Variants in ZSWIM5 observed in about 807,000 individuals in gnomAD.
The protein encoded by ZSWIM5 is zinc finger SWIM-type containing 5.
Under a neutral mutation model 119.6 loss-of-function variants are expected in ZSWIM5, and 55 were observed. The observed-to-expected ratio is 0.46, with a 90% CI of 0.37 to 0.58. The LOEUF (loss-of-function observed/expected upper bound fraction) is 0.58, where lower values mean the gene tolerates loss of function less well. ZSWIM5 is among the 20% of genes least tolerant of loss of function. ZSWIM5 has a pLI of 0.00. For missense variants in ZSWIM5, 1,193 were observed against 1,512.8 expected (o/e 0.79, Z 3.51); for synonymous variants, 537 against 606.9 (o/e 0.88, Z 1.69).
chr1:45,118,737 C>CAAAAAAA (rs60441320), intron 1 of ZSWIM5, among the ~76,000 whole-genome samples: 1 of 95,262 alleles, frequency 1.0e-5, no homozygotes, highest in Non-Finnish European at 2.3e-5. Context: ...GAACCTGTCT[C>CAAAAAAA]AAAAAAAAAA....
At chr1:45,130,365 AACAC>A (rs3051045) in intron 1 of ZSWIM5, among the ~76,000 whole-genome samples, 16,218 of 149,566 alleles carry the variant, frequency 0.11, 882 homozygotes, top group Admixed American at 0.12. Flanking sequence ...GAACACTTAA[AACAC>A]ACACACACAC....
Position 45,034,403 on chromosome 1 carries a change from C to T in ZSWIM5, c.2358G>A (p.Val786=). The T allele has an allele frequency of 1.2e-6, 2 of 1,614,020 alleles. No individual in the cohort carries two copies. The highest frequency in any genetic ancestry group is 2.7e-5 in the African/African-American group (2 of 75,048). The change falls in exon 11 of 14, where the codon GTG becomes GTA. Residue 786 remains valine, a synonymous_variant. Coordinates refer to ENST00000359600, the MANE Select transcript of ZSWIM5 (RefSeq NM_020883.2). ...ACCAGCGAGGATAACGGCTGGGCAC[C>T]ACAGACACCATATGGTGAGGGTGGG... ...DTSHPHHMVS[V]VPSRYPRWFT... is the part of the protein sequence containing the mutation.
intron 1 of ZSWIM5, among the ~76,000 whole-genome samples, chr1:45,108,733 T>C (rs562192402): frequency 1.4e-4 from 21 of 152,168 alleles, no homozygotes; most frequent in African/African-American, 4.8e-4. Flanking sequence ...TGCCTATAAT[T>C]CCAGCTAGCT....
chr1:45,138,156 T>C (rs1570139911), intron 1 of ZSWIM5, among the ~76,000 whole-genome samples: 2 of 152,110 alleles, frequency 1.3e-5, no homozygotes, highest in East Asian at 3.9e-4. Context: ...TACAAGGATT[T>C]TTTTTTCAAC....
intron 1 of ZSWIM5, among the ~76,000 whole-genome samples, chr1:45,107,266 T>C (rs1645486808): frequency 6.6e-6 from 1 of 152,018 alleles, no homozygotes. Flanking sequence ...ACATTTCGTG[T>C]ATAAAAAAGG....
intron 1 of ZSWIM5, among the ~76,000 whole-genome samples, chr1:45,104,899 G>A (rs1053760259): frequency 5.9e-5 from 9 of 152,212 alleles, no homozygotes; most frequent in African/African-American, 2.2e-4. Flanking sequence ...AGAACAATGA[G>A]GCTTCCGAAG....
chr1:45,083,177 T>A (rs2149009659), intron 2 of ZSWIM5, among the ~76,000 whole-genome samples: 1 of 152,312 alleles, frequency 6.6e-6, no homozygotes, highest in Non-Finnish European at 1.5e-5. Flanking sequence ...ATGTAAACAC[T>A]GCAACTTTGA....
In ZSWIM5 at chr1:45,076,491, G is replaced by A. The variant is rs150497094; in HGVS notation, c.952+11390C>T. Among the ~76,000 whole-genome samples, 22 of 152,162 alleles carry A rather than the reference G, an allele frequency of 1.4e-4. No individual in the cohort carries two copies. In the East Asian group the frequency reaches 4.1e-3, roughly 28 times the overall value. On this transcript the variant is annotated intron_variant, in intron 2 of 13. Coordinates refer to ENST00000359600, the MANE Select transcript of ZSWIM5 (RefSeq NM_020883.2). ...GAGAAGTCTGCTGCCAGACTCCATT[G>A]TATGTTACTTTTTCTCTTGCTGCTT...
chr1:45,086,198 G>C (rs142875423), intron 2 of ZSWIM5, among the ~76,000 whole-genome samples: 1 of 152,136 alleles, frequency 6.6e-6, no homozygotes, highest in Non-Finnish European at 1.5e-5. Context: ...TCAGTAACTG[G>C]ATCTTGTGAA....
chr1:45,043,300 T>G lies in ZSWIM5; in HGVS notation c.1528A>C (p.Ser510Arg), dbSNP rs1343472771. 6.2e-7 allele frequency: 1 copy of G among 1,614,218 alleles called. No homozygotes were observed. The highest frequency in any genetic ancestry group is 1.1e-5 in the South Asian group (1 of 91,086). Reference sequence around the variant, plus strand: ...CAGGCAGGAGCTGTATAAACATCACTGCTGATTATTCGCTGTAGGTGGCTA... The same window carrying G: ...CAGGCAGGAGCTGTATAAACATCACGGCTGATTATTCGCTGTAGGTGGCTA... ...QDSHLQRIIS[S>R]DVYTAPACQR... is the part of the protein sequence containing the mutation. Residue 510 changes from serine to arginine, a missense_variant, in exon 6 of 14, where the codon AGT becomes CGT. Ser to Arg is a moderately radical substitution (Grantham distance 110). Around this residue, in one of 2 missense-constraint regions of ZSWIM5, gnomAD observed 961 missense variants for 1,290.0 expected, o/e 0.74. Transcript: ENST00000359600.
rs139448156 is a variant in ZSWIM5 at position 45,151,323 on chromosome 1, A to G, written c.595+54433T>C. Reference sequence around the variant, plus strand: ...GCTGAGATAAAAGTCTGTTTTATTCACTGTGGTAACTCCAGAACCTACAAT... The same window carrying G: ...GCTGAGATAAAAGTCTGTTTTATTCGCTGTGGTAACTCCAGAACCTACAAT... On this transcript the variant is annotated intron_variant, in intron 1 of 13. Transcript: ENST00000359600. Among the ~76,000 whole-genome samples the G allele has an allele frequency of 4.7e-3, 712 of 152,092 alleles. 8 individuals are homozygous for G. Among genetic ancestry groups the G allele is most frequent in the African/African-American group, 0.016 (671 of 41,522 alleles).
At chr1:45,028,573 T>A (rs1214483669) in intron 11 of ZSWIM5, among the ~76,000 whole-genome samples, 1 of 151,986 alleles carries the variant, frequency 6.6e-6, no homozygotes, top group Non-Finnish European at 1.5e-5. Flanking sequence ...CTGGCTATCA[T>A]GGCAAAACCC....
chr1:45,178,948 A>C (rs1198409263), intron 1 of ZSWIM5, among the ~76,000 whole-genome samples: 1 of 152,098 alleles, frequency 6.6e-6, no homozygotes, highest in Non-Finnish European at 1.5e-5. Context: ...TAAATGAATG[A>C]ATTCCACAAG....
rs573443664 is a variant in ZSWIM5 at position 45,040,421 on chromosome 1, T to C, written c.1727A>G (p.Gln576Arg). 1.1e-5 allele frequency: 18 copies of C among 1,611,274 alleles called. No individual in the cohort carries two copies. In the Admixed American group the frequency reaches 1.8e-4, roughly 17 times the overall value. Residue 576 changes from glutamine to arginine, a missense_variant, in exon 7 of 14, where the codon CAA (glutamine) becomes CGA (arginine). Gln to Arg is a conservative substitution (Grantham distance 43, BLOSUM62 1). Transcript: ENST00000359600. ...INTLRLQQQR[Q>R]LEIYKHQKKE... Reference sequence around the variant, plus strand: ...CTTCTGATGCTTGTAGATTTCCAGTTGCCGCTGCTGCTGCAACCTCAGAGT... The same window carrying C: ...CTTCTGATGCTTGTAGATTTCCAGTCGCCGCTGCTGCTGCAACCTCAGAGT...
chr1:45,028,908 C>A lies in ZSWIM5; in HGVS notation c.2449+5404G>T, dbSNP rs575585295. ...GACCAGCTAGGGTAACATAGGAAGA[C>A]CTCGTCTCTACTAAAAAATAAAATT... On this transcript the variant is annotated intron_variant, in intron 11 of 13. Coordinates refer to ENST00000359600, the MANE Select transcript of ZSWIM5 (RefSeq NM_020883.2). 1.4e-4 allele frequency among the ~76,000 whole-genome samples: 22 copies of A among 152,230 alleles called. 1 individual carries two copies. In the South Asian group the frequency reaches 4.4e-3, roughly 30 times the overall value.
intron 1 of ZSWIM5, among the ~76,000 whole-genome samples, chr1:45,121,077 G>A (rs1395556102): frequency 6.6e-6 from 1 of 152,048 alleles, no homozygotes; most frequent in Non-Finnish European, 1.5e-5. Flanking sequence ...AGCCTCCCGA[G>A]TAGCTGGGAC....
intron 1 of ZSWIM5, among the ~76,000 whole-genome samples, chr1:45,096,289 A>T (rs1301497663): frequency 6.6e-6 from 1 of 152,014 alleles, no homozygotes; most frequent in Non-Finnish European, 1.5e-5. Flanking sequence ...ACACACACGC[A>T]CGCACACATA....
Position 45,156,134 on chromosome 1 carries a change from A to G in ZSWIM5, c.595+49622T>C, listed in dbSNP as rs116823673. Among the ~76,000 whole-genome samples the G allele has an allele frequency of 4.3e-3, 659 of 152,268 alleles. 1 individual carries two copies. Among genetic ancestry groups the G allele is most frequent in the African/African-American group, 0.015 (634 of 41,566 alleles). ...AATACTACACAGCCATAAAAAAAGA[A>G]TGAAATCATGGATGCACCTGGAGAC... On this transcript the variant is annotated intron_variant, in intron 1 of 13. Coordinates refer to ENST00000359600, the MANE Select transcript of ZSWIM5 (RefSeq NM_020883.2).
chr1:45,160,988 A>C (rs931880383), intron 1 of ZSWIM5, among the ~76,000 whole-genome samples: 5 of 118,730 alleles, frequency 4.2e-5, no homozygotes, highest in African/African-American at 1.6e-4. Flanking sequence ...TGCCCGGCTA[A>C]ATTTTTTTTT....
Sources: gnomAD v4.1 joint callset for allele counts (sites outside exome capture counted in the v4.1 genomes callset) on GRCh38, gnomAD v4.1.1 for gene constraint, gnomAD v4.1.1 regional missense constraint, MANE v1.5 for transcripts, NCBI Gene and HGNC (gene_info 2026-07-23, HGNC 2026-07-21) for gene names.